PPP1R14C: variants seen among roughly 807,000 people sequenced by gnomAD.
PPP1R14C encodes protein phosphatase 1 regulatory inhibitor subunit 14C.
Under a neutral mutation model 20.4 loss-of-function variants are expected in PPP1R14C, and 16 were observed. That is an observed-to-expected ratio of 0.78 (90% CI 0.53 to 1.19). PPP1R14C has a LOEUF of 1.19. Among genes scored for constraint, PPP1R14C ranks in the 50% most tolerant of loss-of-function variants. The pLI is 0.00. For synonymous variants in PPP1R14C, 91 were observed against 91.0 expected (o/e 1.00, Z 0.00); for missense variants, 211 against 220.1 (o/e 0.96, Z 0.26).
chr6:150,238,214 A>G (rs1447177959), intron 3 of PPP1R14C, among the ~76,000 whole-genome samples: 2 of 152,226 alleles, frequency 1.3e-5, no homozygotes, highest in Admixed American at 6.5e-5. Context: ...GCTTGTCTTG[A>G]AAGCTAGGTC....
At chr6:150,211,805 T>C (rs1778027241) in intron 1 of PPP1R14C, among the ~76,000 whole-genome samples, 1 of 152,282 alleles carries the variant, frequency 6.6e-6, no homozygotes, top group South Asian at 2.1e-4. Context: ...CCGGGACGCA[T>C]GCTGAGCTGG....
chr6:150,149,443 A>ATTTTTTTTTTTTTTTTTTT (rs1216146263), intron 1 of PPP1R14C, among the ~76,000 whole-genome samples: 2 of 119,940 alleles, frequency 1.7e-5, no homozygotes, highest in African/African-American at 6.6e-5. Context: ...CTCCCACCTA[A>ATTTTTTTTTTTTTTTTTTT]TTTTTTTTTT....
At chr6:150,243,806 T>A (rs1778460727) in intron 3 of PPP1R14C, among the ~76,000 whole-genome samples, 1 of 152,228 alleles carries the variant, frequency 6.6e-6, no homozygotes, top group Non-Finnish European at 1.5e-5. Flanking sequence ...TAAATTGTGG[T>A]ACATCTTTAT....
intron 1 of PPP1R14C, among the ~76,000 whole-genome samples, chr6:150,203,873 C>G (rs1039855743): frequency 1.2e-4 from 18 of 152,222 alleles, no homozygotes. Context: ...GCAAGCAAGA[C>G]GTAGACAGGT....
intron 2 of PPP1R14C, 77 bp downstream of exon 2, chr6:150,214,904 C>T: frequency 9.9e-7 from 1 of 1,012,264 alleles, no homozygotes; most frequent in Non-Finnish European, 1.5e-6. Flanking sequence ...TGCTTGGCAT[C>T]AACTGATTCC....
chr6:150,214,604 T>G, intron 1 of PPP1R14C, 140 bp from the exon 2 acceptor site: 1 of 574,680 alleles, frequency 1.7e-6, no homozygotes, highest in South Asian at 2.1e-5. Context: ...CCTCTCCCCC[T>G]AGCCTCTCCT....
intron 1 of PPP1R14C, among the ~76,000 whole-genome samples, chr6:150,188,900 C>T (rs1295586613): frequency 6.6e-6 from 1 of 150,852 alleles, no homozygotes; most frequent in African/African-American, 2.4e-5. Context: ...GCTCTGTCAC[C>T]CAGGCTGGAG....
chr6:150,189,263 C>A (rs1777714685), intron 1 of PPP1R14C, among the ~76,000 whole-genome samples: 1 of 152,214 alleles, frequency 6.6e-6, no homozygotes, highest in African/African-American at 2.4e-5. Flanking sequence ...GGTCTGTGTA[C>A]TCCCTTCTCC....
intron 1 of PPP1R14C, among the ~76,000 whole-genome samples, chr6:150,146,464 GA>G (rs1180555302): frequency 9.8e-5 from 15 of 152,320 alleles, no homozygotes; most frequent in African/African-American, 3.6e-4. Flanking sequence ...TAATGACCTT[GA>G]AGTCTAGGTT....
At chr6:150,184,211 G>A (rs1364183754) in intron 1 of PPP1R14C, among the ~76,000 whole-genome samples, 3 of 152,190 alleles carry the variant, frequency 2.0e-5, no homozygotes, top group African/African-American at 7.2e-5. Context: ...GCATAGGAGG[G>A]ACTCAGCCTG....
At chr6:150,221,658 G>GCTA (rs1337031908) in intron 3 of PPP1R14C, among the ~76,000 whole-genome samples, 1 of 152,146 alleles carries the variant, frequency 6.6e-6, no homozygotes, top group Non-Finnish European at 1.5e-5. Flanking sequence ...TTATGCCAAT[G>GCTA]CTAGCACTAA....
intron 3 of PPP1R14C, among the ~76,000 whole-genome samples, chr6:150,218,737 C>T (rs1778130108): frequency 6.6e-6 from 1 of 152,112 alleles, no homozygotes; most frequent in African/African-American, 2.4e-5. Context: ...CAGCCTCGAA[C>T]TCCTGTATTC....
intron 3 of PPP1R14C, among the ~76,000 whole-genome samples, chr6:150,238,181 A>G (rs1217334843): frequency 1.3e-5 from 2 of 152,250 alleles, no homozygotes; most frequent in Non-Finnish European, 2.9e-5. Flanking sequence ...AAAGCTACTG[A>G]GGCAGTGTAG....
At chr6:150,193,602 CAGGGCTGGGAGAAGGGGAGGAGGG>C (rs1777770574) in intron 1 of PPP1R14C, among the ~76,000 whole-genome samples, 1 of 139,190 alleles carries the variant, frequency 7.2e-6, no homozygotes, top group African/African-American at 2.7e-5. Context: ...GATGGAGGGC[CAGGGCTGGGAGAAGGGGAGGAGGG>C]AGGGGTGGGA....
chr6:150,246,788 A>G (rs1778497865), intron 3 of PPP1R14C, among the ~76,000 whole-genome samples: 1 of 152,242 alleles, frequency 6.6e-6, no homozygotes, highest in Admixed American at 6.5e-5. Context: ...AGCAGATTGT[A>G]TAACATCCTT....
chr6:150,178,340 C>T (rs1475108799), intron 1 of PPP1R14C, among the ~76,000 whole-genome samples: 1 of 152,226 alleles, frequency 6.6e-6, no homozygotes, highest in South Asian at 2.1e-4. Flanking sequence ...AAGTCTGTCA[C>T]AGAGGCCCCT....
chr6:150,171,607 G>A (rs1412440680), intron 1 of PPP1R14C, among the ~76,000 whole-genome samples: 1 of 152,150 alleles, frequency 6.6e-6, no homozygotes, highest in Non-Finnish European at 1.5e-5. Flanking sequence ...TCTTCAGGCT[G>A]CAAACTGGGA....
intron 1 of PPP1R14C, among the ~76,000 whole-genome samples, chr6:150,190,239 C>T (rs1777725528): frequency 6.6e-6 from 1 of 152,016 alleles, no homozygotes. Context: ...TCTCCAACTT[C>T]CTCTTCAATG....
Position 150,249,054 on chromosome 6 carries a change from C to G in PPP1R14C, c.*234C>G. Reference sequence around the variant, plus strand: ...TTTTAATAGCAAAGATATCATGACTCTAGCCACAGCCTAACCAAGGATTAT... The same window carrying G: ...TTTTAATAGCAAAGATATCATGACTGTAGCCACAGCCTAACCAAGGATTAT... On this transcript the variant is annotated 3_prime_UTR_variant, in exon 4 of 4. Transcript: ENST00000361131. The G allele has an allele frequency of 2.2e-6, 1 of 453,150 alleles. No homozygotes were observed. The highest frequency in any genetic ancestry group is 3.9e-6 in the Non-Finnish European group (1 of 258,510). 28.1% of individuals were successfully genotyped at this position (453,150 alleles called of 1,614,324 possible). A position where few individuals can be genotyped will look rare whatever the true frequency, so the allele number is the denominator to read the frequency against.
Sources: allele counts gnomAD v4.1 joint callset (sites outside exome capture counted in the v4.1 genomes callset), GRCh38; gene constraint gnomAD v4.1.1; transcripts MANE v1.5; gene names NCBI Gene and HGNC (gene_info 2026-07-23, HGNC 2026-07-21).